The following TMBIM1 variants were observed in gnomAD, a reference collection of about 807,000 sequenced individuals.
The protein encoded by TMBIM1 is protein lifeguard 3.
A neutral mutation model predicts 45.1 loss-of-function variants in TMBIM1; 34 were observed. That is an observed-to-expected ratio of 0.75 (90% CI 0.57 to 1.00). The LOEUF (loss-of-function observed/expected upper bound fraction) is 1.00. Ranked by LOEUF, TMBIM1 falls within the 50% of genes least tolerant of loss-of-function variation. TMBIM1 has a pLI of 0.00. For synonymous variants in TMBIM1, 157 were observed against 153.5 expected (o/e 1.02, Z -0.17); for missense variants, 374 against 402.4 (o/e 0.93, Z 0.60).
In TMBIM1 at chr2:218,275,462, G is replaced by T; in HGVS notation, c.*13C>A. On this transcript the variant is annotated 3_prime_UTR_variant, in exon 12 of 12. Coordinates refer to ENST00000258412, the MANE Select transcript of TMBIM1 (RefSeq NM_022152.6). ...GGAGAGCCCAGGATCGGGTGAAAATGGGGGCTTGCTCCTTAATTGCGATCC... is the reference window on the plus strand; with the variant it reads ...GGAGAGCCCAGGATCGGGTGAAAATTGGGGCTTGCTCCTTAATTGCGATCC... 6.2e-7 allele frequency: 1 copy of T among 1,609,390 alleles called. No homozygotes were observed. The highest frequency in any genetic ancestry group is 8.5e-7 in the Non-Finnish European group (1 of 1,177,314).
rs1436894530 is a variant in TMBIM1, at chr2:218,279,084, C to A, written c.376G>T (p.Val126Phe). 1 of 1,614,026 alleles carries A rather than the reference C, an allele frequency of 6.2e-7. No individual in the cohort carries two copies. The highest frequency in any genetic ancestry group is 1.3e-5 in the African/African-American group (1 of 74,922). Residue 126 changes from valine to phenylalanine, a missense_variant, in exon 5 of 12, where the codon GTC becomes TTC. Transcript: ENST00000258412. ...ACATTTCTCCTCACAAAGGCGCTGA[C>A]AGGTTCCCTGTGGGGCACAGGAGGA... ...IIAIFTFVEP[V>F]SAFVRRNVAV...
Position 218,274,789 on chromosome 2 carries a change from G to A in TMBIM1, c.*686C>T, listed in dbSNP as rs1271567201. 1 of 154,586 alleles carries A rather than the reference G, an allele frequency of 6.5e-6. No homozygotes were observed. The highest frequency in any genetic ancestry group is 1.5e-5 in the Non-Finnish European group (1 of 68,272). 9.6% of individuals were successfully genotyped at this position (154,586 alleles called of 1,614,324 possible). ...CTCTGTCTTATAGCGTCACAAGCCA[G>A]GAGCAAGCCCAGGGGAGATGCTGTT... On this transcript the variant is annotated 3_prime_UTR_variant, in exon 12 of 12. Coordinates refer to ENST00000258412, the MANE Select transcript of TMBIM1 (RefSeq NM_022152.6).
In TMBIM1 at chr2:218,275,296, C is replaced by T; in HGVS notation, c.*179G>A. The T allele has an allele frequency of 1.3e-6, 1 of 744,838 alleles. No individual in the cohort carries two copies. The allele number at this position is 744,838 out of a possible 1,614,324, so 46.1% of individuals were successfully genotyped here. On this transcript the variant is annotated 3_prime_UTR_variant, in exon 12 of 12. Transcript: ENST00000258412. ...CAGTTAGTCCCTAGCTCCTCCGTCCCCACCAAGTACCCACACATCCATAGC... is the reference window on the plus strand; with the variant it reads ...CAGTTAGTCCCTAGCTCCTCCGTCCTCACCAAGTACCCACACATCCATAGC...
chr2:218,279,207 G>A (rs1181108919), intron 4 of TMBIM1, 82 bp downstream of exon 4: 1 of 1,555,082 alleles, frequency 6.4e-7, no homozygotes. Flanking sequence ...CTGAGAGCAG[G>A]GCCCACCGCC....
rs796213861 is a variant in TMBIM1 at position 218,276,939 on chromosome 2, A to G, written c.735+65T>C. 4 of 1,395,218 alleles carry G rather than the reference A, an allele frequency of 2.9e-6. No homozygotes were observed. In the African/African-American group the frequency reaches 4.3e-5, roughly 15 times the overall value. The allele number at this position is 1,395,218 out of a possible 1,614,324, so 86.4% of individuals were successfully genotyped here. A position where few individuals can be genotyped will look rare whatever the true frequency, so the allele number is the denominator to read the frequency against. On this transcript the variant is annotated intron_variant, in intron 10 of 11. Coordinates refer to ENST00000258412, the MANE Select transcript of TMBIM1 (RefSeq NM_022152.6). ...GGGGACCTTTGGGGCCTGCGAGACC[A>G]TGCTATATAGGAAGTCTGCCCTGAG... is the stretch of plus-strand genomic sequence containing the variant.
chr2:218,288,908 G>A (rs1692732259), intron 1 of TMBIM1, among the ~76,000 whole-genome samples: 1 of 152,138 alleles, frequency 6.6e-6, no homozygotes, highest in Admixed American at 6.5e-5. Flanking sequence ...TTGCAACAGT[G>A]CTGTGAGGTA....
chr2:218,281,141 G>GTTTTTTTTTTGTTTTTTTTTTTTTTGGT (rs1574643362), intron 2 of TMBIM1: 3 of 95,696 alleles, frequency 3.1e-5, no homozygotes, highest in Non-Finnish European at 1.8e-5. Flanking sequence ...TTTTTTTTTG[G>GTTTTTTTTTTGTTTTTTTTTTTTTTGGT]TTTTTTTTTT....
rs1397704910 is a variant in TMBIM1, at chr2:218,275,016, G to C, written c.*459C>G. ...AATGGCCTATGTGTCCAGGAGGCCG[G>C]GGACAAAGCTCTCTGGCTTTGCTGG... On this transcript the variant is annotated 3_prime_UTR_variant, in exon 12 of 12. Coordinates refer to ENST00000258412, the MANE Select transcript of TMBIM1 (RefSeq NM_022152.6). 2 of 154,814 alleles carry C rather than the reference G, an allele frequency of 1.3e-5. No individual in the cohort carries two copies. Among genetic ancestry groups the C allele is most frequent in the African/African-American group, 4.8e-5 (2 of 41,510 alleles). 9.6% of individuals were successfully genotyped at this position (154,814 alleles called of 1,614,324 possible). A position where few individuals can be genotyped will look rare whatever the true frequency, so the allele number is the denominator to read the frequency against.
chr2:218,288,027 G>A (rs1363015039), intron 1 of TMBIM1, among the ~76,000 whole-genome samples: 4 of 152,266 alleles, frequency 2.6e-5, no homozygotes, highest in Non-Finnish European at 5.9e-5. Context: ...TCTGAGCACA[G>A]TCCCTGTTCA....
chr2:218,288,406 G>A (rs1202474700), intron 1 of TMBIM1, among the ~76,000 whole-genome samples: 2 of 152,208 alleles, frequency 1.3e-5, no homozygotes, highest in African/African-American at 4.8e-5. Flanking sequence ...TCCAGCCTGG[G>A]CAACAGAGGG....
chr2:218,280,030 C>T lies in TMBIM1; in HGVS notation c.299G>A (p.Arg100Gln), dbSNP rs200483448. The T allele has an allele frequency of 5.8e-5, 93 of 1,613,812 alleles. No individual in the cohort carries two copies. The highest frequency in any genetic ancestry group is 1.2e-4 in the Admixed American group (7 of 60,004). Residue 100 changes from arginine to glutamine, a missense_variant, in exon 3 of 12, where the codon CGA becomes CAA. Physicochemically the swap from Arg to Gln is conservative, Grantham distance 43. Transcript: ENST00000258412. ...DDRKVRHTFI[R>Q]KVYSIISVQL... ...ACCTCCCAGCGCGTATCTTACCTTTCGGATAAAAGTGTGTCGCACTTTCCG... is the reference window on the plus strand; with the variant it reads ...ACCTCCCAGCGCGTATCTTACCTTTTGGATAAAAGTGTGTCGCACTTTCCG...
rs186968810 is a variant in TMBIM1 at position 218,274,539 on chromosome 2, A to C, written c.*936T>G. 2 of 154,912 alleles carry C rather than the reference A, an allele frequency of 1.3e-5. No individual in the cohort carries two copies. The highest frequency in any genetic ancestry group is 4.8e-5 in the African/African-American group (2 of 41,636). 9.6% of individuals were successfully genotyped at this position (154,912 alleles called of 1,614,324 possible). ...CTTCAGTACCACAGTAGGCTTCGGT[A>C]TCTCCCTAGCCAGGTGAGGGACCCC... On this transcript the variant is annotated 3_prime_UTR_variant, in exon 12 of 12. Coordinates refer to ENST00000258412, the MANE Select transcript of TMBIM1 (RefSeq NM_022152.6).
Position 218,277,689 on chromosome 2 carries a change from C to G in TMBIM1, c.514-19G>C, listed in dbSNP as rs373610767. On this transcript the variant is annotated intron_variant, in intron 7 of 11. Transcript: ENST00000258412. ...CAAAAGTCTAAGGGAAGGAGAGAGA[C>G]AAGAATGAAACACTTAAAAAGGAAG... 165 of 1,613,920 alleles carry G rather than the reference C, an allele frequency of 1.0e-4. No homozygotes were observed. The highest frequency in any genetic ancestry group is 1.3e-4 in the Non-Finnish European group (159 of 1,179,994).
intron 11 of TMBIM1, 143 bp from the exon 12 acceptor site, chr2:218,275,764 T>C (rs2106186280): frequency 9.3e-7 from 1 of 1,074,216 alleles, no homozygotes; most frequent in East Asian, 2.5e-5. Context: ...ATGGGCTCTA[T>C]ACTGTAGCTG....
chr2:218,289,110 T>TGAATAGGCAGCACCAGGGTGGGGCCTTG (rs1692748126), intron 1 of TMBIM1, among the ~76,000 whole-genome samples: 1 of 152,226 alleles, frequency 6.6e-6, no homozygotes, highest in African/African-American at 2.4e-5. Context: ...CGCACCTGCG[T>TGAATAGGCAGCACCAGGGTGGGGCCTTG]GAATAGGCAG....
rs149122157 is a variant in TMBIM1 at position 218,276,692 on chromosome 2, C to T, written c.735+312G>A. ...GCCCATCATCTCAGTCCTCTGGGTTCCTCTCCCAGTCTGCCTCCGAGAACC... is the reference window on the plus strand; with the variant it reads ...GCCCATCATCTCAGTCCTCTGGGTTTCTCTCCCAGTCTGCCTCCGAGAACC... On this transcript the variant is annotated intron_variant, in intron 10 of 11. Coordinates refer to ENST00000258412, the MANE Select transcript of TMBIM1 (RefSeq NM_022152.6). Among the ~76,000 whole-genome samples, 578 of 152,364 alleles carry T rather than the reference C, an allele frequency of 3.8e-3. 5 individuals carry two copies. The highest frequency in any genetic ancestry group is 0.012 in the African/African-American group (498 of 41,588).
At chr2:218,275,753 T>C (rs1691134943) in intron 11 of TMBIM1, 132 bp from the exon 12 acceptor site, 1 of 1,122,756 alleles carries the variant, frequency 8.9e-7, no homozygotes, top group Non-Finnish European at 1.3e-6. Flanking sequence ...CAGCATAACA[T>C]ATGGGCTCTA....
chr2:218,284,867 G>A (rs970046518), intron 1 of TMBIM1, among the ~76,000 whole-genome samples: 8 of 152,214 alleles, frequency 5.3e-5, no homozygotes, highest in African/African-American at 1.9e-4. Flanking sequence ...GAGGCAGGTG[G>A]ATCACCTGAG....
intron 1 of TMBIM1, among the ~76,000 whole-genome samples, chr2:218,290,484 C>G (rs2106240675): frequency 6.6e-6 from 1 of 152,296 alleles, no homozygotes; most frequent in Admixed American, 6.5e-5. Flanking sequence ...TAGACATGCC[C>G]TCTCACTCTC....
Sources: allele counts gnomAD v4.1 joint callset (sites outside exome capture counted in the v4.1 genomes callset), GRCh38; gene constraint gnomAD v4.1.1; transcripts MANE v1.5; gene names NCBI Gene and HGNC (gene_info 2026-07-23, HGNC 2026-07-21).